CHD7: variants seen among roughly 807,000 people sequenced by gnomAD.
CHD7 encodes the protein chromodomain helicase DNA binding protein 7, also known as ATP-dependent chromatin remodeler CHD7.
In CHD7, 24 loss-of-function variants were observed where a neutral mutation model predicts 307.3. The observed-to-expected ratio is 0.08, with a 90% CI of 0.06 to 0.11. The LOEUF is 0.11. Among genes scored for constraint, CHD7 ranks in the 10% least tolerant of loss-of-function variants. The pLI, the probability that CHD7 is intolerant of heterozygous loss-of-function variation, is 1.00. For missense variants in CHD7, 3,106 were observed against 3,727.1 expected (o/e 0.83, Z 4.34); for synonymous variants, 1,363 against 1,349.9 (o/e 1.01, Z -0.21).
chr8:60,716,400 T>A (rs1383089562), intron 1 of CHD7, among the ~76,000 whole-genome samples: 1 of 152,152 alleles, frequency 6.6e-6, no homozygotes, highest in Non-Finnish European at 1.5e-5. Flanking sequence ...ATCCAGAATC[T>A]CATGGGACAC....
chr8:60,856,369 T>C (rs987255989), intron 33 of CHD7, 76 bp from the exon 34 acceptor site: 6 of 1,406,724 alleles, frequency 4.3e-6, no homozygotes, highest in Non-Finnish European at 5.7e-6. Context: ...TCTTGTTCCT[T>C]ATTTCTAAAA....
chr8:60,781,448 A>T lies in CHD7; in HGVS notation c.2096+18A>T, dbSNP rs567002541. ...AAGTCAAGGTAGGCTGTGGGCAGAA[A>T]AAACAACTGCAAAACATTGAGAGTA... On this transcript the variant is annotated intron_variant, in intron 3 of 37. Transcript: ENST00000423902. The T allele has an allele frequency of 1.3e-6, 2 of 1,508,984 alleles. No individual in the cohort carries two copies. The highest frequency in any genetic ancestry group is 4.9e-5 in the East Asian group (2 of 40,774). 93.5% of individuals were successfully genotyped at this position (1,508,984 alleles called of 1,614,324 possible).
rs1302195939 is a variant in CHD7 at position 60,821,934 on chromosome 8, A to G, written c.2835+7A>G. On this transcript the variant is annotated splice_region_variant and intron_variant, in intron 10 of 37. Coordinates refer to ENST00000423902, the MANE Select transcript of CHD7 (RefSeq NM_017780.4). ...GCCGGAAACAGAGCGTGTGGTAAGA[A>G]TTGGCTGATGGTAGAGAATTTAATT... 1 of 1,613,350 alleles carries G rather than the reference A, an allele frequency of 6.2e-7. No homozygotes were observed. Among genetic ancestry groups the G allele is most frequent in the East Asian group, 2.2e-5 (1 of 44,848 alleles).
intron 35 of CHD7, 87 bp from the exon 36 acceptor site, chr8:60,862,109 G>A: frequency 1.0e-6 from 1 of 955,232 alleles, no homozygotes; most frequent in Non-Finnish European, 1.5e-6. Flanking sequence ...AATAATTGAA[G>A]ATGATCTGAC....
chr8:60,723,503 G>A (rs1808013771), intron 1 of CHD7, among the ~76,000 whole-genome samples: 2 of 152,148 alleles, frequency 1.3e-5, no homozygotes, highest in Non-Finnish European at 1.5e-5. Flanking sequence ...AGGAATGATG[G>A]CATAGAGAAC....
At chr8:60,790,018 G>C (rs1444185795) in intron 3 of CHD7, among the ~76,000 whole-genome samples, 1 of 152,224 alleles carries the variant, frequency 6.6e-6, no homozygotes, top group Admixed American at 6.5e-5. Flanking sequence ...AGCACATCCA[G>C]CTACCCACCA....
chr8:60,840,778 T>G (rs970838136), intron 19 of CHD7, among the ~76,000 whole-genome samples: 1 of 151,972 alleles, frequency 6.6e-6, no homozygotes, highest in Non-Finnish European at 1.5e-5. Flanking sequence ...CCACCATGCC[T>G]GGCTAATTTT....
intron 18 of CHD7, 24 bp downstream of exon 18, chr8:60,837,859 A>C: frequency 6.3e-7 from 1 of 1,585,746 alleles, no homozygotes; most frequent in East Asian, 2.3e-5. Flanking sequence ...TGCCCAAACC[A>C]TTTATTTATT....
intron 6 of CHD7, among the ~76,000 whole-genome samples, chr8:60,807,936 G>T (rs1812612993): frequency 6.6e-6 from 1 of 152,236 alleles, no homozygotes; most frequent in South Asian, 2.1e-4. Context: ...CAAATTTGGG[G>T]TCAGGTTGTT....
chr8:60,815,852 G>A (rs1002070240), intron 7 of CHD7, among the ~76,000 whole-genome samples: 1 of 152,144 alleles, frequency 6.6e-6, no homozygotes, highest in African/African-American at 2.4e-5. Flanking sequence ...GTTTCCCTTT[G>A]GGACCAGTAT....
At chr8:60,810,834 G>A (rs577869473) in intron 7 of CHD7, among the ~76,000 whole-genome samples, 30 of 152,292 alleles carry the variant, frequency 2.0e-4, no homozygotes, top group South Asian at 1.2e-3. Flanking sequence ...CCCAGGCCAT[G>A]GATCAGTACT....
In CHD7 at chr8:60,855,067, T is replaced by C. The variant is rs1303809835; in HGVS notation, c.6936+544T>C. On this transcript the variant is annotated intron_variant, in intron 32 of 37. Coordinates refer to ENST00000423902, the MANE Select transcript of CHD7 (RefSeq NM_017780.4). ...AATTTTATAATAATTCCCTGTGTAATTTAGGTCTGTTTTTCAGGGTGAGGA... is the reference window on the plus strand; with the variant it reads ...AATTTTATAATAATTCCCTGTGTAACTTAGGTCTGTTTTTCAGGGTGAGGA... The C allele has an allele frequency of 2.0e-5, 3 of 152,256 alleles. No individual in the cohort carries two copies. In the East Asian group the frequency reaches 5.8e-4, roughly 29 times the overall value. 9.4% of individuals were successfully genotyped at this position (152,256 alleles called of 1,614,324 possible).
chr8:60,754,057 T>C (rs1422335203), intron 2 of CHD7, among the ~76,000 whole-genome samples: 3 of 152,230 alleles, frequency 2.0e-5, no homozygotes, highest in African/African-American at 7.2e-5. Context: ...TCAGTTTATT[T>C]CTTTCATTTA....
chr8:60,792,464 C>T (rs1260643967), intron 3 of CHD7, among the ~76,000 whole-genome samples: 3 of 152,026 alleles, frequency 2.0e-5, no homozygotes, highest in South Asian at 2.1e-4. Context: ...CTTAGCTGTC[C>T]GTTAACAACA....
chr8:60,833,697 G>A (rs1471840361), intron 15 of CHD7, among the ~76,000 whole-genome samples: 1 of 152,158 alleles, frequency 6.6e-6, no homozygotes, highest in African/African-American at 2.4e-5. Context: ...CCAGTGTAGT[G>A]CCAGCCATAC....
chr8:60,789,228 C>T (rs1811652730), intron 3 of CHD7, among the ~76,000 whole-genome samples: 1 of 152,222 alleles, frequency 6.6e-6, no homozygotes, highest in Non-Finnish European at 1.5e-5. Flanking sequence ...CCCTGCATCA[C>T]ATTCTGTGTG....
chr8:60,823,390 TATATATAGATAG>T (rs1304460713), intron 12 of CHD7, among the ~76,000 whole-genome samples: 184 of 109,990 alleles, frequency 1.7e-3, no homozygotes, highest in African/African-American at 7.2e-3. Context: ...ATGTTTTTGC[TATATATAGATAG>T]ATAGATAGAT....
In CHD7 at chr8:60,816,518, T is replaced by G; in HGVS notation, c.2613+17T>G. 7.3e-7 allele frequency: 1 copy of G among 1,372,604 alleles called. No individual in the cohort carries two copies. Among genetic ancestry groups the G allele is most frequent in the Non-Finnish European group, 1.0e-6 (1 of 980,908 alleles). 85.0% of individuals were successfully genotyped at this position (1,372,604 alleles called of 1,614,324 possible). A position where few individuals can be genotyped will look rare whatever the true frequency, so the allele number is the denominator to read the frequency against. ...CTTTCAGAGGTACGACATACCTGCT[T>G]ACTTTTCCAAAGTATTTACTTTGTT... On this transcript the variant is annotated intron_variant, in intron 8 of 37. Transcript: ENST00000423902.
intron 1 of CHD7, among the ~76,000 whole-genome samples, chr8:60,690,855 C>T (rs927548989): frequency 3.9e-5 from 6 of 152,186 alleles, no homozygotes; most frequent in East Asian, 3.9e-4. Flanking sequence ...GGTTGACAGT[C>T]GCCGACTCCC....
Sources: allele counts gnomAD v4.1 joint callset (sites outside exome capture counted in the v4.1 genomes callset), GRCh38; gene constraint gnomAD v4.1.1; transcripts MANE v1.5; gene names NCBI Gene and HGNC (gene_info 2026-07-23, HGNC 2026-07-21).